LTA4H: variants seen among roughly 807,000 people sequenced by gnomAD.
The protein encoded by LTA4H is leukotriene A-4 hydrolase.
LTA4H carries 59 observed loss-of-function variants against 89.8 expected under a neutral mutation model. That is an observed-to-expected ratio of 0.66 (90% CI 0.53 to 0.82). The LOEUF (loss-of-function observed/expected upper bound fraction) is 0.82. LTA4H is among the 40% of genes least tolerant of loss of function. The pLI is 0.00. For synonymous variants in LTA4H, 227 were observed against 253.1 expected, an observed-to-expected ratio of 0.90 and a Z score of 0.98; for missense variants, 617 against 727.0, an observed-to-expected ratio of 0.85 and a Z score of 1.74.
At chr12:96,042,411 C>G (rs891850769) in intron 1 of LTA4H, among the ~76,000 whole-genome samples, 2 of 152,040 alleles carry the variant, frequency 1.3e-5, no homozygotes, top group South Asian at 4.2e-4. Context: ...AGAGTTTTGC[C>G]TAGGCCTTTC....
chr12:96,037,142 A>G (rs995126371), upstream of LTA4H, among the ~76,000 whole-genome samples: 1 of 152,252 alleles, frequency 6.6e-6, no homozygotes, highest in African/African-American at 2.4e-5. Context: ...TAAGGGGAAG[A>G]TGCTAAATTC....
intron 1 of LTA4H, among the ~76,000 whole-genome samples, chr12:96,042,500 CAAGAT>C (rs960357546): frequency 3.2e-4 from 48 of 152,122 alleles, no homozygotes; most frequent in African/African-American, 1.1e-3. Context: ...TAGCAGGAGA[CAAGAT>C]AAGGATAATC....
At chr12:96,012,268 A>G (rs1348062390) in intron 14 of LTA4H, 1 of 152,214 alleles carries the variant, frequency 6.6e-6, no homozygotes, top group African/African-American at 2.4e-5. Context: ...TGGCCTGTTT[A>G]GTGTAAGAGA....
At chr12:96,025,701 C>A (rs190675187) in intron 3 of LTA4H, among the ~76,000 whole-genome samples, 27 of 152,086 alleles carry the variant, frequency 1.8e-4, no homozygotes, top group Non-Finnish European at 3.1e-4. Context: ...GTGGTGCACA[C>A]CTGTAGTCCC....
At position 96,001,040 on chromosome 12, in the gene LTA4H, G is replaced by A. The variant is rs1416332371; in HGVS notation, c.1785C>T (p.Ser595=). ...CCAGCATTGCAGTCACGGGATGCAT[G>A]CTTGCTTTGTGCTCTTGGTAGGTTC... ...AVRTYQEHKA[S]MHPVTAMLVG... is the part of the protein sequence containing the mutation. Residue 595 remains serine (S), a synonymous_variant, in exon 19 of 19, where the codon AGC becomes AGT. Coordinates refer to ENST00000228740, the MANE Select transcript of LTA4H (RefSeq NM_000895.3). The A allele has an allele frequency of 6.2e-6, 10 of 1,614,100 alleles. No homozygotes were observed. The South Asian group carries it at 1.1e-4, about 18-fold the overall frequency.
intron 2 of LTA4H, among the ~76,000 whole-genome samples, chr12:96,028,424 T>C (rs765914585): frequency 9.2e-5 from 14 of 152,110 alleles, no homozygotes; most frequent in Non-Finnish European, 1.9e-4. Flanking sequence ...ACAACTGGGG[T>C]AGATCACCCT....
chr12:96,019,905 T>G (rs57872417), intron 6 of LTA4H, among the ~76,000 whole-genome samples: 18,589 of 148,958 alleles, frequency 0.12, 1,445 homozygotes, highest in East Asian at 0.3. Flanking sequence ...CAGCGTTTTT[T>G]TTTTTTTTTT....
In LTA4H at chr12:96,021,127, G is replaced by A. The variant is rs1010200942; in HGVS notation, c.596C>T (p.Pro199Leu). 6.3e-7 allele frequency: 1 copy of A among 1,597,510 alleles called. No individual in the cohort carries two copies. The highest frequency in any genetic ancestry group is 8.5e-7 in the Non-Finnish European group (1 of 1,175,202). Residue 199 changes from proline to leucine, a missense_variant, in exon 6 of 19, where the codon CCC (proline) becomes CTC (leucine). Around this residue, in one of 3 missense-constraint regions of LTA4H, gnomAD observed 172 missense variants for 244.5 expected, o/e 0.70. Transcript: ENST00000228740. ...IYKFIQKVPIPCYLIALVVGA... is the reference protein window; with the variant it reads ...IYKFIQKVPILCYLIALVVGA... ...AACAACTAAAGCAATCAGGTAGCAG[G>A]GTATTGGAACCTAAAGAGGGCAAAC... is the stretch of plus-strand genomic sequence containing the variant.
At position 96,029,047 on chromosome 12, in the gene LTA4H, A is replaced by G. The variant is rs1950542799; in HGVS notation, c.290+8T>C. On this transcript the variant is annotated splice_region_variant and intron_variant, in intron 2 of 18. Coordinates refer to ENST00000228740, the MANE Select transcript of LTA4H (RefSeq NM_000895.3). Reference sequence around the variant, plus strand: ...AGCTGTAAAAGAGAAAGATCATAACATTCATACTTGCTCAAAGCGATAGGA... The same window carrying G: ...AGCTGTAAAAGAGAAAGATCATAACGTTCATACTTGCTCAAAGCGATAGGA... The G allele has an allele frequency of 3.8e-6, 6 of 1,567,070 alleles. No homozygotes were observed. The highest frequency in any genetic ancestry group is 5.2e-6 in the Non-Finnish European group (6 of 1,161,290).
At chr12:96,023,270 A>C (rs762331803) in intron 4 of LTA4H, among the ~76,000 whole-genome samples, 31 of 152,212 alleles carry the variant, frequency 2.0e-4, no homozygotes, top group Non-Finnish European at 4.4e-4. Context: ...GCACAAAACT[A>C]TTCAGGAAAT....
chr12:96,022,134 C>A lies in LTA4H; in HGVS notation c.585+13G>T. On this transcript the variant is annotated intron_variant, in intron 5 of 18. Transcript: ENST00000228740. This position sits in a 1 kb window ranked among gnomAD's most constrained non-coding sequence, Gnocchi z 4.0. ...CGCCAATGAAAACAAAAATCTAGAC[C>A]CTAGGATCTTACTTTTTGGATGAAT... The A allele has an allele frequency of 6.3e-7, 1 of 1,592,826 alleles. No individual in the cohort carries two copies. Among genetic ancestry groups the A allele is most frequent in the Non-Finnish European group, 8.6e-7 (1 of 1,161,014 alleles).
upstream of LTA4H, chr12:96,035,673 A>C: frequency 4.2e-6 from 6 of 1,425,728 alleles, no homozygotes; most frequent in Non-Finnish European, 5.5e-6. Flanking sequence ...AAGTCAGACG[A>C]GCGTTGGGGG....
At chr12:96,042,001 T>C (rs1950691389) in intron 1 of LTA4H, among the ~76,000 whole-genome samples, 1 of 149,172 alleles carries the variant, frequency 6.7e-6, no homozygotes, top group African/African-American at 2.5e-5. Context: ...TTTTTTTTTT[T>C]TTGACAGGGT....
upstream of LTA4H, among the ~76,000 whole-genome samples, chr12:96,036,339 T>C (rs960284300): frequency 7.2e-5 from 11 of 152,128 alleles, no homozygotes; most frequent in African/African-American, 2.4e-4. Context: ...GATTGAAGGA[T>C]GCCTTGCCTT....
In LTA4H at chr12:96,035,527, G is replaced by T; in HGVS notation, c.-8C>A. ...ATCCACTATCTCGGGCATGGCTCTG[G>T]GGGATCACACAGCACAGCGACCTAC... On this transcript the variant is annotated 5_prime_UTR_variant, in exon 1 of 19. Transcript: ENST00000228740. The T allele has an allele frequency of 6.2e-7, 1 of 1,600,210 alleles. No individual in the cohort carries two copies. Among genetic ancestry groups the T allele is most frequent in the East Asian group, 2.3e-5 (1 of 44,260 alleles).
At chr12:96,017,664 A>G (rs1317185908) in intron 8 of LTA4H, 84 bp from the exon 9 acceptor site, 1 of 905,922 alleles carries the variant, frequency 1.1e-6, no homozygotes, top group Non-Finnish European at 1.8e-6. Flanking sequence ...TACTTAGCAT[A>G]CTGGCACTGG....
chr12:96,025,346 T>TG (rs1157580784), intron 3 of LTA4H: 4 of 152,248 alleles, frequency 2.6e-5, no homozygotes, highest in African/African-American at 9.6e-5. Flanking sequence ...AGTATTCTAA[T>TG]GAACACAGCC....
At chr12:96,007,082 G>T (rs909219811) in intron 15 of LTA4H, among the ~76,000 whole-genome samples, 3 of 152,158 alleles carry the variant, frequency 2.0e-5, no homozygotes, top group Non-Finnish European at 4.4e-5. Flanking sequence ...AAATAGGACA[G>T]AAGGAAAAAT....
chr12:96,027,093 T>C (rs12310175), intron 3 of LTA4H, among the ~76,000 whole-genome samples: 5,201 of 152,282 alleles, frequency 0.034, 299 homozygotes, highest in African/African-American at 0.11. Flanking sequence ...TCTTTACTAT[T>C]AGCATTTTTC....
Sources: gnomAD v4.1 joint callset for allele counts (sites outside exome capture counted in the v4.1 genomes callset) on GRCh38, gnomAD v4.1.1 for gene constraint, gnomAD v4.1.1 regional missense constraint, Gnocchi (gnomAD v3.1) non-coding constraint, MANE v1.5 for transcripts, NCBI Gene and HGNC (gene_info 2026-07-23, HGNC 2026-07-21) for gene names.